HERC2: variants seen among roughly 807,000 people sequenced by gnomAD.
HERC2 encodes the protein E3 ubiquitin-protein ligase HERC2.
Under a neutral mutation model 537.7 loss-of-function variants are expected in HERC2, and 102 were observed. That is an observed-to-expected ratio of 0.19 (90% CI 0.16 to 0.22). HERC2 has a LOEUF of 0.22. Among genes scored for constraint, HERC2 ranks in the 10% least tolerant of loss-of-function variants. HERC2 has a pLI of 1.00. For missense variants in HERC2, 4,236 were observed against 6,198.2 expected, an observed-to-expected ratio of 0.68 and a Z score of 10.63; for synonymous variants, 2,224 against 2,466.2, an observed-to-expected ratio of 0.90 and a Z score of 2.91.
At chr15:28,281,018 CA>C (rs1172874194) in intron 4 of HERC2, among the ~76,000 whole-genome samples, 1 of 152,040 alleles carries the variant, frequency 6.6e-6, no homozygotes, top group African/African-American at 2.4e-5. Flanking sequence ...TTTCATGTTA[CA>C]AAACCAAATT....
intron 2 of HERC2, among the ~76,000 whole-genome samples, chr15:28,319,109 TC>T (rs1247568874): frequency 2.0e-5 from 3 of 151,802 alleles, no homozygotes; most frequent in African/African-American, 7.3e-5. Context: ...GGAAACCATG[TC>T]TTATTCCTTA....
At position 28,228,202 on chromosome 15, in the gene HERC2, G is replaced by C. The variant is rs1252212541; in HGVS notation, c.5464+16C>G. 2 of 1,609,484 alleles carry C rather than the reference G, an allele frequency of 1.2e-6. No individual in the cohort carries two copies. Among genetic ancestry groups the C allele is most frequent in the African/African-American group, 1.3e-5 (1 of 74,830 alleles). The stretch of plus-strand genomic sequence containing the variant: ...TTGACATTTTCCCAAAGGCGCTCAA[G>C]CGGGTGCAGACCTACCAATCAGGCG... On this transcript the variant is annotated intron_variant, in intron 35 of 92. Transcript: ENST00000261609.
chr15:28,191,645 T>C (rs1566991075), intron 53 of HERC2, among the ~76,000 whole-genome samples: 1 of 152,140 alleles, frequency 6.6e-6, no homozygotes, highest in Non-Finnish European at 1.5e-5. Context: ...TAGACTATAC[T>C]AGAAAAACTT....
chr15:28,240,171 C>T (rs1332076986), intron 23 of HERC2, among the ~76,000 whole-genome samples: 1 of 152,214 alleles, frequency 6.6e-6, no homozygotes, highest in African/African-American at 2.4e-5. Flanking sequence ...GTAATCCCAG[C>T]ACTTTGGGAG....
Position 28,213,918 on chromosome 15 carries a change from T to C in HERC2, c.6610A>G (p.Met2204Val), listed in dbSNP as rs1172033312. ...CCTCCAATCACAGCCAGGACTGCCA[T>C]GAGGCCCCCCACTTCAGGGTTCTCG... The part of the protein sequence containing the change: ...DSENPEVGGL[M>V]AVLAVIGGID... Residue 2204 changes from methionine to valine, a missense_variant, in exon 42 of 93, where the codon ATG becomes GTG. Coordinates refer to ENST00000261609, the MANE Select transcript of HERC2 (RefSeq NM_004667.6). 1.2e-6 allele frequency: 2 copies of C among 1,614,076 alleles called. No homozygotes were observed. Among genetic ancestry groups the C allele is most frequent in the Admixed American group, 3.3e-5 (2 of 60,018 alleles).
At chr15:28,216,718 C>T (rs1465043647) in intron 38 of HERC2, among the ~76,000 whole-genome samples, 1 of 149,720 alleles carries the variant, frequency 6.7e-6, no homozygotes, top group Non-Finnish European at 1.5e-5. Flanking sequence ...ATACACCCAC[C>T]CTCACACTTT....
At position 28,132,245 on chromosome 15, in the gene HERC2, C is replaced by A. The variant is rs777247000; in HGVS notation, c.12425G>T (p.Gly4142Val). The A allele has an allele frequency of 6.3e-5, 102 of 1,610,732 alleles. No homozygotes were observed. The highest frequency in any genetic ancestry group is 3.9e-4 in the Admixed American group (23 of 59,664). Residue 4142 changes from glycine to valine, a missense_variant, in exon 81 of 93, where the codon GGC becomes GTC. Gly to Val is a moderately radical substitution (Grantham distance 109). Transcript: ENST00000261609. ...ACAGGCGATGTCAACCACACGGTGG[C>A]CCTGCAGCGCCTCCACCTTCAGAGA... ...LKPKLVEALQ[G>V]HRVVDIACGS...
At position 28,115,453 on chromosome 15, in the gene HERC2, G is replaced by A. The variant is rs766346993; in HGVS notation, c.13698C>T (p.Ser4566=). The part of the protein sequence containing the change: ...EPVWKQLAGM[S]LTIADLSEVD... ...CCTCACTGAGGTCCGCGATGGTGAGGCTCATCCCAGCCAGCTGCTTCCAGA... is the reference window on the plus strand; with the variant it reads ...CCTCACTGAGGTCCGCGATGGTGAGACTCATCCCAGCCAGCTGCTTCCAGA... The change falls in exon 89 of 93, where the codon AGC becomes AGT. Residue 4566 remains serine (S), a synonymous_variant. Transcript: ENST00000261609. 6.2e-6 allele frequency: 10 copies of A among 1,613,952 alleles called. No individual in the cohort carries two copies. In the South Asian group the frequency reaches 7.7e-5, roughly 12 times the overall value.
chr15:28,134,695 T>G (rs1412543235), intron 79 of HERC2, among the ~76,000 whole-genome samples: 1 of 121,844 alleles, frequency 8.2e-6, no homozygotes, highest in African/African-American at 2.9e-5. Context: ...GCCAAATTAT[T>G]TTTTCCTCTT....
intron 64 of HERC2, 138 bp downstream of exon 64, chr15:28,175,374 C>T: frequency 1.2e-6 from 1 of 858,320 alleles, no homozygotes. Context: ...ACAGGACCCG[C>T]CCTCATGGTT....
intron 59 of HERC2, among the ~76,000 whole-genome samples, chr15:28,178,345 A>T (rs1054626115): frequency 3.3e-5 from 5 of 152,214 alleles, no homozygotes; most frequent in Admixed American, 2.6e-4. Flanking sequence ...GACACAAAGG[A>T]CCAGCACTCC....
In HERC2 at chr15:28,255,852, G is replaced by C; in HGVS notation, c.2871+20C>G. ...TGATCTCAGTGCACCACCAGGTCAC[G>C]TGTGCCTCCAAAGCCATACCTGGAT... is the stretch of plus-strand genomic sequence containing the variant. On this transcript the variant is annotated intron_variant, in intron 19 of 92. Transcript: ENST00000261609. 3.8e-6 allele frequency: 6 copies of C among 1,596,230 alleles called. No individual in the cohort carries two copies. Among genetic ancestry groups the C allele is most frequent in the Non-Finnish European group, 5.1e-6 (6 of 1,178,272 alleles).
In HERC2 at chr15:28,173,704, G is replaced by A. The variant is rs529062667; in HGVS notation, c.10057+691C>T. On this transcript the variant is annotated intron_variant, in intron 65 of 92. Coordinates refer to ENST00000261609, the MANE Select transcript of HERC2 (RefSeq NM_004667.6). The stretch of plus-strand genomic sequence containing the variant: ...TGTAGTCCCAGCTATTTGGGAGGCT[G>A]AGGTGGAAGGATCACTTGAGCCCAG... Among the ~76,000 whole-genome samples, 348 of 151,304 alleles carry A rather than the reference G, an allele frequency of 2.3e-3. 1 individual carries two copies. The highest frequency in any genetic ancestry group is 6.9e-3 in the East Asian group (35 of 5,064).
chr15:28,301,236 G>A (rs1400489230), intron 2 of HERC2, among the ~76,000 whole-genome samples: 2 of 152,098 alleles, frequency 1.3e-5, no homozygotes, highest in Non-Finnish European at 2.9e-5. Context: ...CCAACATGCC[G>A]AAACCCCATC....
Position 28,263,112 on chromosome 15 carries a change from T to C in HERC2, c.1928A>G (p.Asp643Gly). The C allele has an allele frequency of 6.2e-7, 1 of 1,614,188 alleles. No individual in the cohort carries two copies. The highest frequency in any genetic ancestry group is 8.5e-7 in the Non-Finnish European group (1 of 1,180,032). Reference sequence around the variant, plus strand: ...AATCAGCTTTGGGGTTTTGCAGCCATCACTACCACCTCTGCCCAATTTCCC... The same window carrying C: ...AATCAGCTTTGGGGTTTTGCAGCCACCACTACCACCTCTGCCCAATTTCCC... ...DYGKLGRGGS[D>G]GCKTPKLIEK... The change falls in exon 15 of 93, where the codon GAT becomes GGT. Residue 643 changes from aspartate (D) to glycine (G), a missense_variant. Physicochemically the swap from Asp to Gly is moderately conservative, Grantham distance 94 (BLOSUM62 -1). This residue lies in a region of HERC2 where 754 missense variants were observed against 1,085.0 expected (regional missense o/e 0.69). Transcript: ENST00000261609.
intron 67 of HERC2, 152 bp from the exon 68 acceptor site, chr15:28,167,979 C>T: frequency 1.2e-6 from 1 of 822,976 alleles, no homozygotes; most frequent in Non-Finnish European, 1.9e-6. Flanking sequence ...GCCCACCAGA[C>T]ATAGCCACTA....
At chr15:28,272,088 G>A (rs1349009880) in intron 9 of HERC2, 127 bp downstream of exon 9, 6 of 823,002 alleles carry the variant, frequency 7.3e-6, no homozygotes, top group Non-Finnish European at 9.4e-6. Flanking sequence ...CATCTGACTC[G>A]CTGCTATTAC....
At chr15:28,199,155 A>G (rs926090108) in intron 48 of HERC2, among the ~76,000 whole-genome samples, 1 of 152,154 alleles carries the variant, frequency 6.6e-6, no homozygotes, top group African/African-American at 2.4e-5. Context: ...TCAAAAAAAA[A>G]AAAGAATTTC....
At chr15:28,179,100 C>T (rs758675321) in intron 58 of HERC2, 42 bp downstream of exon 58, 1 of 1,597,984 alleles carries the variant, frequency 6.3e-7, no homozygotes, top group South Asian at 1.1e-5. Context: ...TTTTTGGTGC[C>T]AAGCATAATT....
Sources: gnomAD v4.1 joint callset for allele counts (sites outside exome capture counted in the v4.1 genomes callset) on GRCh38, gnomAD v4.1.1 for gene constraint, gnomAD v4.1.1 regional missense constraint, MANE v1.5 for transcripts, NCBI Gene and HGNC (gene_info 2026-07-23, HGNC 2026-07-21) for gene names.